Variants in RGPD3 observed in about 807,000 individuals in gnomAD.
The protein encoded by RGPD3 is ranBP2-like and GRIP domain-containing protein 3.
Under a neutral mutation model 154.5 loss-of-function variants are expected in RGPD3, and 62 were observed. That is an observed-to-expected ratio of 0.40 (90% CI 0.33 to 0.50). The LOEUF (loss-of-function observed/expected upper bound fraction) is 0.50. RGPD3 is among the 20% of genes least tolerant of loss of function. The probability of loss-of-function intolerance (pLI) is 0.59; values close to 1 mark genes in which losing one functional copy is unlikely to be tolerated. For missense variants in RGPD3, 919 were observed against 1,716.8 expected (o/e 0.54, Z 8.21); for synonymous variants, 308 against 607.0 (o/e 0.51, Z 7.24).
rs779780633 is a variant in RGPD3 at position 106,423,797 on chromosome 2, A to G, written c.4170T>C (p.Asn1390=). The G allele has an allele frequency of 6.2e-7, 1 of 1,611,954 alleles. No homozygotes were observed. Among genetic ancestry groups the G allele is most frequent in the Non-Finnish European group, 8.5e-7 (1 of 1,179,862 alleles). Residue 1390 remains asparagine (N), a synonymous_variant, in exon 20 of 23, where the codon AAT becomes AAC. Coordinates refer to ENST00000409886, the MANE Select transcript of RGPD3 (RefSeq NM_001144013.2). The part of the protein sequence containing the change: ...GDIKILQNYD[N]KHVRILMRRD... ...TTCTCATCAGTATACGAACGTGCTT[A>G]TTATCATAATTCTGTAAAATCTTTA...
At chr2:106,461,894 A>G (rs1483271263) in intron 1 of RGPD3, among the ~76,000 whole-genome samples, 1 of 152,100 alleles carries the variant, frequency 6.6e-6, no homozygotes, top group Non-Finnish European at 1.5e-5. Flanking sequence ...ACAGCACGTA[A>G]AAGAACAAGG....
At position 106,468,394 on chromosome 2, in the gene RGPD3, A is replaced by T; in HGVS notation, c.-106T>A. 3 of 1,535,134 alleles carry T rather than the reference A, an allele frequency of 2.0e-6. No individual in the cohort carries two copies. ...CTGAAAGCCACTGAGGCAGCGGCGT[A>T]GCCGGCGGAGGACCACTGTGACGAA... is the stretch of plus-strand genomic sequence containing the variant. On this transcript the variant is annotated 5_prime_UTR_variant, in exon 1 of 23. Coordinates refer to ENST00000409886, the MANE Select transcript of RGPD3 (RefSeq NM_001144013.2).
At chr2:106,449,383 T>C (rs1290407787) in intron 6 of RGPD3, among the ~76,000 whole-genome samples, 4 of 142,716 alleles carry the variant, frequency 2.8e-5, no homozygotes, top group African/African-American at 1.0e-4. Flanking sequence ...GGAGAATCGC[T>C]TGAACCTGGG....
chr2:106,443,600 T>C (rs1677826439), intron 7 of RGPD3, among the ~76,000 whole-genome samples: 1 of 95,470 alleles, frequency 1.0e-5, no homozygotes, highest in African/African-American at 3.6e-5. Context: ...CCCGGCCTCT[T>C]TTACAAAATT....
chr2:106,412,550 C>T (rs1267921374), intron 22 of RGPD3, among the ~76,000 whole-genome samples: 1 of 151,090 alleles, frequency 6.6e-6, no homozygotes, highest in Non-Finnish European at 1.5e-5. Flanking sequence ...TCTTGTGATC[C>T]GCCTGCCTCG....
chr2:106,425,319 T>C (rs1677164578), intron 19 of RGPD3, 53 bp from the exon 20 acceptor site: 6 of 1,607,686 alleles, frequency 3.7e-6, no homozygotes, highest in Non-Finnish European at 5.1e-6. Context: ...AAAATAGTCA[T>C]GAAATACATA....
At chr2:106,464,521 A>G (rs533735745) in intron 1 of RGPD3, among the ~76,000 whole-genome samples, 1 of 151,368 alleles carries the variant, frequency 6.6e-6, no homozygotes, top group African/African-American at 2.4e-5. Context: ...CAGAGGTAGG[A>G]GGATCATTTA....
At chr2:106,420,189 G>A (rs1186130432) in intron 20 of RGPD3, among the ~76,000 whole-genome samples, 1 of 138,534 alleles carries the variant, frequency 7.2e-6, no homozygotes, top group Non-Finnish European at 1.5e-5. Context: ...AAGGTGACTA[G>A]AGTTGCATCT....
chr2:106,405,187 T>G lies in RGPD3; in HGVS notation c.*32A>C, dbSNP rs531319631. 2 of 1,609,360 alleles carry G rather than the reference T, an allele frequency of 1.2e-6. No individual in the cohort carries two copies. Among genetic ancestry groups the G allele is most frequent in the Admixed American group, 1.7e-5 (1 of 59,100 alleles). ...TCGAAGTCCAAACCAACTACGAAGATAGGATGCCCATCCAGAAGAACGGGA... is the reference window on the plus strand; with the variant it reads ...TCGAAGTCCAAACCAACTACGAAGAGAGGATGCCCATCCAGAAGAACGGGA... On this transcript the variant is annotated 3_prime_UTR_variant, in exon 23 of 23. Coordinates refer to ENST00000409886, the MANE Select transcript of RGPD3 (RefSeq NM_001144013.2).
Position 106,424,646 on chromosome 2 carries a change from T to C in RGPD3, c.3321A>G (p.Lys1107=), listed in dbSNP as rs754441240. ...TCGTTATCCAATGATTAGCACACAC[T>C]TTTAGTACTTGTTCTCTTTGCATCA... The part of the protein sequence containing the change: ...RMLMQREQVL[K]VCANHWITTT... Residue 1107 remains lysine, a synonymous_variant, in exon 20 of 23, where the codon AAA becomes AAG. Coordinates refer to ENST00000409886, the MANE Select transcript of RGPD3 (RefSeq NM_001144013.2). The C allele has an allele frequency of 5.0e-6, 8 of 1,611,884 alleles. No individual in the cohort carries two copies. The East Asian group carries it at 1.6e-4, about 31-fold the overall frequency.
chr2:106,468,529 G>C (rs983232060), upstream of RGPD3, among the ~76,000 whole-genome samples: 8 of 152,210 alleles, frequency 5.3e-5, no homozygotes, highest in African/African-American at 1.7e-4. Context: ...TTGCCCGCCG[G>C]GCGCCGTGGC....
Position 106,468,390 on chromosome 2 carries a change from G to C in RGPD3, c.-102C>G, listed in dbSNP as rs1315571022. The C allele has an allele frequency of 6.5e-7, 1 of 1,537,568 alleles. No individual in the cohort carries two copies. Among genetic ancestry groups the C allele is most frequent in the Non-Finnish European group, 8.8e-7 (1 of 1,140,296 alleles). ...GCGCCTGAAAGCCACTGAGGCAGCG[G>C]CGTAGCCGGCGGAGGACCACTGTGA... On this transcript the variant is annotated 5_prime_UTR_variant, in exon 1 of 23. Transcript: ENST00000409886.
chr2:106,411,963 C>T (rs1340702636), intron 22 of RGPD3, among the ~76,000 whole-genome samples: 1 of 149,634 alleles, frequency 6.7e-6, no homozygotes, highest in South Asian at 2.2e-4. Flanking sequence ...ACAGAGAAAT[C>T]CAATAAACAT....
intron 1 of RGPD3, among the ~76,000 whole-genome samples, chr2:106,462,804 C>T (rs1418363982): frequency 6.6e-6 from 1 of 151,458 alleles, no homozygotes; most frequent in Non-Finnish European, 1.5e-5. Flanking sequence ...CCCATCTGAT[C>T]AGCTCCAAAT....
At chr2:106,422,803 T>C (rs1298028506) in intron 20 of RGPD3, among the ~76,000 whole-genome samples, 4 of 151,560 alleles carry the variant, frequency 2.6e-5, no homozygotes, top group Non-Finnish European at 4.4e-5. Flanking sequence ...CAAGTTCTTT[T>C]GCTCTGCCCT....
intron 7 of RGPD3, among the ~76,000 whole-genome samples, chr2:106,441,863 C>CAAAAAAAAAAAAAAAAA (rs1166971652): frequency 7.3e-5 from 1 of 13,638 alleles, no homozygotes; most frequent in Non-Finnish European, 1.2e-4. Context: ...GACTCCATCG[C>CAAAAAAAAAAAAAAAAA]AAAAAAAAAA....
At position 106,403,712 on chromosome 2, in the gene RGPD3, C is replaced by A. The variant is rs1676428389; in HGVS notation, c.*1507G>T. On this transcript the variant is annotated 3_prime_UTR_variant, in exon 23 of 23. Coordinates refer to ENST00000409886, the MANE Select transcript of RGPD3 (RefSeq NM_001144013.2). ...CTTCATGTCGGCTCTGAAATAGATGCATTTTCATTCATACATTCGCTAGTT... is the reference window on the plus strand; with the variant it reads ...CTTCATGTCGGCTCTGAAATAGATGAATTTTCATTCATACATTCGCTAGTT... Among the ~76,000 whole-genome samples the A allele has an allele frequency of 6.6e-6, 1 of 152,258 alleles. No homozygotes were observed.
intron 21 of RGPD3, among the ~76,000 whole-genome samples, chr2:106,414,694 T>A (rs550006351): frequency 6.6e-6 from 1 of 151,472 alleles, no homozygotes; most frequent in Admixed American, 6.6e-5. Context: ...TTGTTAGCTA[T>A]GATAATGTTT....
chr2:106,405,402 G>T, intron 22 of RGPD3, among the ~76,000 whole-genome samples, 173 bp from the exon 23 acceptor site: 1 of 142,308 alleles, frequency 7.0e-6, no homozygotes, highest in Admixed American at 7.1e-5. Context: ...TTGAGACAGG[G>T]TCTTGCTCTG....
Sources: gnomAD v4.1 joint callset for allele counts (sites outside exome capture counted in the v4.1 genomes callset) on GRCh38, gnomAD v4.1.1 for gene constraint, MANE v1.5 for transcripts, NCBI Gene and HGNC (gene_info 2026-07-23, HGNC 2026-07-21) for gene names.